ANO10: variants seen among roughly 807,000 people sequenced by gnomAD.
ANO10 encodes anoctamin-10.
In ANO10, 77 loss-of-function variants were observed where a neutral mutation model predicts 74.7. That is an observed-to-expected ratio of 1.03 (90% CI 0.86 to 1.25). The LOEUF is 1.25. Among genes scored for constraint, ANO10 ranks in the 50% most tolerant of loss-of-function variants. ANO10 has a pLI of 0.00. For synonymous variants in ANO10, 279 were observed against 284.9 expected (o/e 0.98, Z 0.21); for missense variants, 721 against 778.1 (o/e 0.93, Z 0.87).
intron 7 of ANO10, among the ~76,000 whole-genome samples, chr3:43,574,250 C>T (rs1423257502): frequency 6.7e-6 from 1 of 148,324 alleles, no homozygotes; most frequent in African/African-American, 2.5e-5. Context: ...GCTACCGTGT[C>T]TGGCCCGTTA....
chr3:43,375,670 G>A (rs544529008), intron 12 of ANO10, among the ~76,000 whole-genome samples: 77 of 152,178 alleles, frequency 5.1e-4, no homozygotes, highest in African/African-American at 1.9e-3. Context: ...GCTAAAAGAG[G>A]CAGGTGAATC....
intron 1 of ANO10, chr3:43,618,086 C>T (rs1011437819): frequency 6.6e-6 from 1 of 152,220 alleles, no homozygotes; most frequent in Admixed American, 6.5e-5. Context: ...AGGGCAGCTG[C>T]CTTGGGGAGT....
intron 7 of ANO10, among the ~76,000 whole-genome samples, chr3:43,573,854 G>A (rs2149392734): frequency 6.6e-6 from 1 of 152,226 alleles, no homozygotes; most frequent in South Asian, 2.1e-4. Flanking sequence ...AACAGGTTGT[G>A]GTGACAGGAA....
chr3:43,366,981 A>C lies in ANO10; in HGVS notation c.1915-7T>G, dbSNP rs887376698. 1 of 1,594,740 alleles carries C rather than the reference A, an allele frequency of 6.3e-7. No individual in the cohort carries two copies. Among genetic ancestry groups the C allele is most frequent in the Non-Finnish European group, 8.5e-7 (1 of 1,170,098 alleles). On this transcript the variant is annotated splice_region_variant and splice_polypyrimidine_tract_variant and intron_variant, in intron 12 of 12. Coordinates refer to ENST00000292246, the MANE Select transcript of ANO10 (RefSeq NM_018075.5). ...CGGTCACGAGCTTCATTTGCTGTTAAGAGAAAACAGGACACCAGGTGAGCC... is the reference window on the plus strand; with the variant it reads ...CGGTCACGAGCTTCATTTGCTGTTACGAGAAAACAGGACACCAGGTGAGCC...
intron 12 of ANO10, among the ~76,000 whole-genome samples, chr3:43,426,558 T>TTG (rs960827113): frequency 8.2e-4 from 18 of 22,042 alleles, no homozygotes; most frequent in Admixed American, 1.2e-3. Context: ...GCTCCCTGGC[T>TTG]TCTGTGTGTT....
At chr3:43,659,831 C>T (rs1029161261) in intron 1 of ANO10, among the ~76,000 whole-genome samples, 4 of 152,074 alleles carry the variant, frequency 2.6e-5, no homozygotes, top group Admixed American at 1.3e-4. Context: ...CAGTAGGGGC[C>T]GACAAACACC....
intron 12 of ANO10, among the ~76,000 whole-genome samples, chr3:43,430,835 C>A (rs2092969331): frequency 6.6e-6 from 1 of 151,616 alleles, no homozygotes; most frequent in Non-Finnish European, 1.5e-5. Flanking sequence ...TCTTTTGATC[C>A]CAGTAAAGTT....
At chr3:43,653,079 C>T in intron 1 of ANO10, 1 of 152,104 alleles carries the variant, frequency 6.6e-6, no homozygotes. Context: ...AGCATGGTGG[C>T]ACATGCCTGT....
At chr3:43,639,531 G>A (rs1314665904) in intron 1 of ANO10, among the ~76,000 whole-genome samples, 2 of 152,150 alleles carry the variant, frequency 1.3e-5, no homozygotes, top group Non-Finnish European at 2.9e-5. Context: ...CTGGGAGGCC[G>A]AGGTGGGCGG....
intron 11 of ANO10, among the ~76,000 whole-genome samples, chr3:43,547,807 T>C (rs1039259505): frequency 4.6e-5 from 7 of 152,108 alleles, no homozygotes; most frequent in African/African-American, 1.4e-4. Flanking sequence ...TATCACTAAA[T>C]ACAAAAGAAA....
intron 11 of ANO10, among the ~76,000 whole-genome samples, chr3:43,511,265 A>G (rs2077498318): frequency 6.6e-6 from 1 of 152,196 alleles, no homozygotes; most frequent in Admixed American, 6.5e-5. Flanking sequence ...CTGCTCTAGT[A>G]ACACAAATTA....
At chr3:43,401,227 T>C (rs1339664483) in intron 12 of ANO10, among the ~76,000 whole-genome samples, 3 of 152,208 alleles carry the variant, frequency 2.0e-5, no homozygotes, top group African/African-American at 7.2e-5. Flanking sequence ...AAGGACGTGC[T>C]AGGGTGATGT....
intron 1 of ANO10, among the ~76,000 whole-genome samples, chr3:43,688,165 T>C (rs1012717567): frequency 1.3e-5 from 2 of 152,174 alleles, no homozygotes; most frequent in African/African-American, 4.8e-5. Flanking sequence ...CTTTTTTTCT[T>C]TCTTTTCTTT....
chr3:43,558,939 A>G (rs1189329029), intron 9 of ANO10, among the ~76,000 whole-genome samples: 1 of 152,204 alleles, frequency 6.6e-6, no homozygotes, highest in African/African-American at 2.4e-5. Context: ...TAAACCCTAG[A>G]GTTCAGTCAC....
chr3:43,605,970 A>G, intron 1 of ANO10, 107 bp from the exon 2 acceptor site: 1 of 1,261,146 alleles, frequency 7.9e-7, no homozygotes. Context: ...GGCTTCCAAG[A>G]TAAAAGCAAA....
chr3:43,485,271 C>T (rs1039670906), intron 11 of ANO10: 10 of 609,978 alleles, frequency 1.6e-5, no homozygotes, highest in South Asian at 1.1e-4. Context: ...TGCTGTTTGC[C>T]GCCCTTTGCC....
intron 11 of ANO10, among the ~76,000 whole-genome samples, chr3:43,493,232 C>T (rs947080093): frequency 1.1e-4 from 17 of 152,074 alleles, no homozygotes; most frequent in African/African-American, 3.4e-4. Context: ...ACAATGAGAA[C>T]ACATGGACAC....
intron 12 of ANO10, among the ~76,000 whole-genome samples, chr3:43,405,776 T>C (rs1559513877): frequency 6.8e-6 from 1 of 147,674 alleles, no homozygotes; most frequent in African/African-American, 2.5e-5. Flanking sequence ...ACCCAGCCTG[T>C]AGTTTTTTTC....
At chr3:43,487,943 A>G (rs1440463882) in intron 11 of ANO10, among the ~76,000 whole-genome samples, 1 of 152,016 alleles carries the variant, frequency 6.6e-6, no homozygotes, top group Admixed American at 6.6e-5. Context: ...AGTAACCAAA[A>G]CAGCATGGTA....
Sources: allele counts gnomAD v4.1 joint callset (sites outside exome capture counted in the v4.1 genomes callset), GRCh38; gene constraint gnomAD v4.1.1; transcripts MANE v1.5; gene names NCBI Gene and HGNC (gene_info 2026-07-23, HGNC 2026-07-21).